Variants in PTPRD observed in about 807,000 individuals in gnomAD.
PTPRD encodes protein tyrosine phosphatase receptor type D.
PTPRD carries 34 observed loss-of-function variants against 214.5 expected under a neutral mutation model. The ratio of observed to expected loss-of-function variants is 0.16; its 90% CI spans 0.12 to 0.21. The LOEUF (loss-of-function observed/expected upper bound fraction) is 0.21, where lower values mean the gene tolerates loss of function less well. Among genes scored for constraint, PTPRD ranks in the 10% least tolerant of loss-of-function variants. The pLI is 1.00. For missense variants in PTPRD, 2,545 were observed against 2,398.7 expected (o/e 1.06, Z -1.27); for synonymous variants, 1,128 against 845.7 (o/e 1.33, Z -5.79).
chr9:10,278,254 TATAAC>T (rs1490800794), intron 3 of PTPRD, among the ~76,000 whole-genome samples: 1 of 152,160 alleles, frequency 6.6e-6, no homozygotes, highest in Non-Finnish European at 1.5e-5. Context: ...AGAAAATAAT[TATAAC>T]ATACTTTTCA....
intron 11 of PTPRD, among the ~76,000 whole-genome samples, chr9:8,794,768 G>A (rs1337642044): frequency 6.6e-6 from 1 of 151,668 alleles, no homozygotes; most frequent in Admixed American, 6.6e-5. Context: ...ACAAGAAAGA[G>A]CAAACCGAGG....
chr9:8,919,415 C>G (rs929011131), intron 11 of PTPRD, among the ~76,000 whole-genome samples: 1 of 150,662 alleles, frequency 6.6e-6, no homozygotes, highest in South Asian at 2.1e-4. Flanking sequence ...AAAATTCAAC[C>G]AGATTTATCT....
chr9:10,016,254 A>G (rs2096709716), intron 4 of PTPRD, among the ~76,000 whole-genome samples: 1 of 152,144 alleles, frequency 6.6e-6, no homozygotes, highest in African/African-American at 2.4e-5. Context: ...TTTTCTTTTA[A>G]AATACACTTG....
intron 2 of PTPRD, among the ~76,000 whole-genome samples, chr9:10,451,462 T>C (rs115724881): frequency 0.012 from 1,800 of 151,802 alleles, 63 homozygotes; most frequent in African/African-American, 0.04. Flanking sequence ...ATGAGATCCT[T>C]AATGAGACAT....
intron 5 of PTPRD, among the ~76,000 whole-genome samples, chr9:9,895,911 T>A (rs1166966222): frequency 6.6e-6 from 1 of 151,990 alleles, no homozygotes; most frequent in Non-Finnish European, 1.5e-5. Context: ...TTTTCATTTA[T>A]AATGGAAAGT....
intron 10 of PTPRD, among the ~76,000 whole-genome samples, chr9:9,175,760 A>G (rs77615573): frequency 1.5e-3 from 231 of 152,212 alleles, no homozygotes; most frequent in African/African-American, 5.3e-3. Flanking sequence ...TACCGGCCCA[A>G]GTACCTCTCC....
At chr9:8,999,830 C>T (rs888595068) in intron 11 of PTPRD, among the ~76,000 whole-genome samples, 12 of 151,864 alleles carry the variant, frequency 7.9e-5, no homozygotes, top group East Asian at 1.9e-4. Context: ...TTTTGATGAC[C>T]GCAGTCTGTA....
At chr9:9,001,125 T>C (rs948917204) in intron 11 of PTPRD, among the ~76,000 whole-genome samples, 3 of 152,006 alleles carry the variant, frequency 2.0e-5, no homozygotes, top group Admixed American at 2.0e-4. Context: ...CGGTTACTAA[T>C]GAAGCACTTT....
At chr9:9,134,557 C>T (rs1425003941) in intron 10 of PTPRD, among the ~76,000 whole-genome samples, 1 of 152,152 alleles carries the variant, frequency 6.6e-6, no homozygotes, top group East Asian at 1.9e-4. Context: ...TACCACATCT[C>T]TTTCCACACA....
intron 2 of PTPRD, among the ~76,000 whole-genome samples, chr9:10,520,897 C>CT (rs2052003166): frequency 6.6e-6 from 1 of 151,484 alleles, no homozygotes; most frequent in Non-Finnish European, 1.5e-5. Flanking sequence ...AAACAGATTC[C>CT]TTTCTAAATA....
chr9:9,110,528 G>C (rs1369062363), intron 10 of PTPRD, among the ~76,000 whole-genome samples: 1 of 151,926 alleles, frequency 6.6e-6, no homozygotes, highest in African/African-American at 2.4e-5. Flanking sequence ...CTCCACTCTT[G>C]CTAACCATAC....
At chr9:9,955,580 G>C (rs910380045) in intron 4 of PTPRD, among the ~76,000 whole-genome samples, 1 of 149,240 alleles carries the variant, frequency 6.7e-6, no homozygotes, top group Non-Finnish European at 1.5e-5. Context: ...CTTGAGTATA[G>C]TGGCACGATC....
chr9:8,996,194 A>G (rs554989714), intron 11 of PTPRD, among the ~76,000 whole-genome samples: 1 of 152,160 alleles, frequency 6.6e-6, no homozygotes, highest in Admixed American at 6.6e-5. Context: ...ATTCATAATC[A>G]CTCCAAACTG....
At chr9:10,454,895 C>G (rs10511547) in intron 2 of PTPRD, among the ~76,000 whole-genome samples, 4,980 of 151,556 alleles carry the variant, frequency 0.033, 169 homozygotes, top group South Asian at 0.12. Context: ...ACAAAGTGAT[C>G]AAATGTACTG....
chr9:9,419,035 T>G (rs562559307), intron 8 of PTPRD, among the ~76,000 whole-genome samples: 48 of 151,384 alleles, frequency 3.2e-4, no homozygotes, highest in African/African-American at 1.1e-3. Flanking sequence ...GTGCAAAAAT[T>G]GAATGAGAAC....
At chr9:8,545,871 A>G (rs368063219) in intron 14 of PTPRD, among the ~76,000 whole-genome samples, 10 of 152,222 alleles carry the variant, frequency 6.6e-5, no homozygotes, top group African/African-American at 2.4e-4. Flanking sequence ...TTAATTTCCC[A>G]TTAAGCCTGT....
At chr9:9,251,743 G>T (rs913956112) in intron 9 of PTPRD, among the ~76,000 whole-genome samples, 8 of 152,050 alleles carry the variant, frequency 5.3e-5, no homozygotes, top group African/African-American at 1.4e-4. Flanking sequence ...ACATTTGAAA[G>T]AAGCCAAAAG....
intron 5 of PTPRD, among the ~76,000 whole-genome samples, chr9:9,827,207 T>A (rs1249726534): frequency 6.6e-6 from 1 of 152,124 alleles, no homozygotes; most frequent in Non-Finnish European, 1.5e-5. Context: ...AAGTCAATCC[T>A]AAGCCAAAAG....
chr9:9,197,408 G>C (rs1668649470), intron 9 of PTPRD, among the ~76,000 whole-genome samples: 10 of 152,056 alleles, frequency 6.6e-5, no homozygotes, highest in Admixed American at 6.6e-4. Context: ...CATCTGTGTT[G>C]TCTCCACATG....
Sources: gnomAD v4.1 joint callset for allele counts (sites outside exome capture counted in the v4.1 genomes callset) on GRCh38, gnomAD v4.1.1 for gene constraint, MANE v1.5 for transcripts, NCBI Gene and HGNC (gene_info 2026-07-23, HGNC 2026-07-21) for gene names.